PPP4R1: variants seen among roughly 807,000 people sequenced by gnomAD.
PPP4R1 encodes protein phosphatase 4 regulatory subunit 1.
PPP4R1 carries 42 observed loss-of-function variants against 111.2 expected under a neutral mutation model. That is an observed-to-expected ratio of 0.38 (90% CI 0.29 to 0.49). PPP4R1 has a LOEUF of 0.49. PPP4R1 is among the 20% of genes least tolerant of loss of function. The pLI is 0.97. For missense variants in PPP4R1, 1,012 were observed against 1,161.6 expected (o/e 0.87, Z 1.87); for synonymous variants, 409 against 405.5 (o/e 1.01, Z -0.10).
intron 13 of PPP4R1, among the ~76,000 whole-genome samples, chr18:9,560,922 T>A (rs1417212260): frequency 6.6e-6 from 1 of 151,514 alleles, no homozygotes; most frequent in African/African-American, 2.4e-5. Context: ...CTAACAATAA[T>A]AATATAATCC....
chr18:9,592,152 A>G (rs1167215953), intron 4 of PPP4R1, among the ~76,000 whole-genome samples: 1 of 152,304 alleles, frequency 6.6e-6, no homozygotes, highest in Admixed American at 6.5e-5. Flanking sequence ...ATCAGTTCAT[A>G]CTGCTACACT....
At chr18:9,585,932 T>C (rs1025187947) in intron 6 of PPP4R1, among the ~76,000 whole-genome samples, 5 of 152,114 alleles carry the variant, frequency 3.3e-5, no homozygotes, top group African/African-American at 9.6e-5. Context: ...TGTCTCCAAA[T>C]TGATCTACAG....
intron 18 of PPP4R1, chr18:9,549,725 G>A (rs762485845): frequency 2.2e-5 from 11 of 489,470 alleles, no homozygotes; most frequent in East Asian, 7.2e-5. Flanking sequence ...ATGCATGTAT[G>A]TGCACTGTGA....
chr18:9,564,731 T>G (rs1421119534), intron 11 of PPP4R1, among the ~76,000 whole-genome samples: 2 of 55,902 alleles, frequency 3.6e-5, no homozygotes, highest in Admixed American at 1.8e-4. Context: ...TGTGTGTGTG[T>G]GTGTGTGGGG....
Position 9,614,117 on chromosome 18 carries a change from GC to G in PPP4R1, c.52+108del. ...CCCCAGCCCGCCTGGGGCCGCCCTC[GC>G]CCACCGTCCCCTCAGCCAGCCAGGG... On this transcript the variant is annotated intron_variant, in intron 2 of 19. Coordinates refer to ENST00000400556, the MANE Select transcript of PPP4R1 (RefSeq NM_001042388.3). The surrounding 1 kb of genome is among the most constrained non-coding windows in gnomAD (Gnocchi z 4.1). 1 of 990,782 alleles carries G rather than the reference GC, an allele frequency of 1.0e-6. No homozygotes were observed. The highest frequency in any genetic ancestry group is 1.3e-6 in the Non-Finnish European group (1 of 777,694). The allele number at this position is 990,782 out of a possible 1,614,324, so 61.4% of individuals were successfully genotyped here.
intron 10 of PPP4R1, among the ~76,000 whole-genome samples, chr18:9,573,987 C>T (rs192488768): frequency 1.3e-5 from 2 of 152,092 alleles, no homozygotes; most frequent in East Asian, 1.9e-4. Context: ...TCAAAAATGT[C>T]GAAAGTATAA....
chr18:9,595,040 C>G lies in PPP4R1; in HGVS notation c.166G>C (p.Ala56Pro). Residue 56 changes from alanine to proline, a missense_variant, in exon 3 of 20, where the codon GCA becomes CCA. Ala to Pro is a conservative substitution (Grantham distance 27). Around this residue, in one of 2 missense-constraint regions of PPP4R1, gnomAD observed 707 missense variants for 742.1 expected, o/e 0.95. Transcript: ENST00000400556. ...TPLGRLDKYA[A>P]SENIFNRQMV... ...TACCTGTTAAATATGTTCTCACTTGCAGCATACTTGTCCAATCTCCCCAGG... is the reference window on the plus strand; with the variant it reads ...TACCTGTTAAATATGTTCTCACTTGGAGCATACTTGTCCAATCTCCCCAGG... 1 of 1,613,964 alleles carries G rather than the reference C, an allele frequency of 6.2e-7. No homozygotes were observed. Among genetic ancestry groups the G allele is most frequent in the Non-Finnish European group, 8.5e-7 (1 of 1,179,938 alleles).
intron 10 of PPP4R1, among the ~76,000 whole-genome samples, chr18:9,571,518 G>A: frequency 6.6e-6 from 1 of 152,164 alleles, no homozygotes; most frequent in East Asian, 1.9e-4. Flanking sequence ...ACAATTAGAG[G>A]CAAACAGAAA....
At chr18:9,549,365 G>T (rs763180814) in intron 18 of PPP4R1, 27 bp from the exon 19 acceptor site, 2 of 1,571,674 alleles carry the variant, frequency 1.3e-6, no homozygotes, top group African/African-American at 2.7e-5. Flanking sequence ...GCTGCTCTAG[G>T]CTTCTCTGTC....
chr18:9,567,338 T>C (rs1254323336), intron 11 of PPP4R1, among the ~76,000 whole-genome samples: 3 of 152,322 alleles, frequency 2.0e-5, no homozygotes, highest in East Asian at 3.9e-4. Flanking sequence ...TGCTACAATC[T>C]CATAATCAAA....
intron 2 of PPP4R1, among the ~76,000 whole-genome samples, chr18:9,600,068 AG>A: frequency 6.6e-6 from 1 of 152,176 alleles, no homozygotes; most frequent in Non-Finnish European, 1.5e-5. Flanking sequence ...TACTCCTAGA[AG>A]GTAACAAAAT....
intron 2 of PPP4R1, chr18:9,613,693 G>C (rs2067625369): frequency 6.6e-6 from 1 of 152,240 alleles, no homozygotes; most frequent in Non-Finnish European, 1.5e-5. Context: ...ACTGCTACCA[G>C]CCAAAGTAAA....
chr18:9,594,395 T>A (rs1315055909), intron 3 of PPP4R1, among the ~76,000 whole-genome samples: 2 of 152,230 alleles, frequency 1.3e-5, no homozygotes, highest in Non-Finnish European at 2.9e-5. Context: ...TTTTTTTTAA[T>A]CTTTATCTAA....
At chr18:9,563,738 A>G (rs1310099781) in intron 11 of PPP4R1, 188 bp from the exon 12 acceptor site, 1 of 479,940 alleles carries the variant, frequency 2.1e-6, no homozygotes, top group African/African-American at 2.0e-5. Flanking sequence ...TAGAAAACTA[A>G]TATGCTTTCA....
At chr18:9,577,295 G>T in intron 9 of PPP4R1, 104 bp from the exon 10 acceptor site, 1 of 1,242,130 alleles carries the variant, frequency 8.1e-7, no homozygotes, top group Non-Finnish European at 1.1e-6. Context: ...GCCGAAGTAT[G>T]TTTAGGATAA....
intron 2 of PPP4R1, among the ~76,000 whole-genome samples, chr18:9,606,004 G>A (rs990424137): frequency 1.3e-5 from 2 of 152,198 alleles, no homozygotes. Context: ...TTCAGGTGAA[G>A]AGTTGGGAAT....
At chr18:9,595,978 T>C (rs1225401012) in intron 2 of PPP4R1, among the ~76,000 whole-genome samples, 2 of 152,184 alleles carry the variant, frequency 1.3e-5, no homozygotes, top group East Asian at 3.9e-4. Context: ...CAATTTTCCA[T>C]TGCATGAAAG....
rs988262819 is a variant in PPP4R1, at chr18:9,579,332, A to G, written c.919-2141T>C. ...ACAAAGGTTCTGGAAACCACTAAAAAACCCACAAGTCACTCAAAGAATAAA... is the reference window on the plus strand; with the variant it reads ...ACAAAGGTTCTGGAAACCACTAAAAGACCCACAAGTCACTCAAAGAATAAA... On this transcript the variant is annotated intron_variant, in intron 9 of 19. Coordinates refer to ENST00000400556, the MANE Select transcript of PPP4R1 (RefSeq NM_001042388.3). 2.0e-5 allele frequency among the ~76,000 whole-genome samples: 3 copies of G among 152,240 alleles called. No individual in the cohort carries two copies. The South Asian group carries it at 6.2e-4, about 32-fold the overall frequency.
At chr18:9,616,096 C>T (rs570100072), upstream of PPP4R1, among the ~76,000 whole-genome samples, 1 of 152,252 alleles carries the variant, frequency 6.6e-6, no homozygotes, top group Non-Finnish European at 1.5e-5. Flanking sequence ...ATTCAGCTGA[C>T]ACACTCAGAA....
Sources: allele counts gnomAD v4.1 joint callset (sites outside exome capture counted in the v4.1 genomes callset), GRCh38; gene constraint gnomAD v4.1.1; regional missense constraint gnomAD v4.1.1; non-coding constraint Gnocchi (gnomAD v3.1); transcripts MANE v1.5; gene names NCBI Gene and HGNC (gene_info 2026-07-23, HGNC 2026-07-21).